Variants in CAST observed in about 807,000 individuals in gnomAD.
CAST encodes the protein calpastatin.
In CAST, 76 loss-of-function variants were observed where a neutral mutation model predicts 119.6. The observed-to-expected ratio is 0.64, with a 90% CI of 0.53 to 0.77. CAST has a LOEUF of 0.77. CAST is among the 30% of genes least tolerant of loss of function. The probability of loss-of-function intolerance (pLI) is 0.00; values close to 1 mark genes in which losing one functional copy is unlikely to be tolerated. For missense variants in CAST, 953 were observed against 946.5 expected, an observed-to-expected ratio of 1.01 and a Z score of -0.09; for synonymous variants, 319 against 331.6, an observed-to-expected ratio of 0.96 and a Z score of 0.41.
chr5:96,663,107 C>A (rs1215697946), intron 1 of CAST: 2 of 702,344 alleles, frequency 2.8e-6, no homozygotes, highest in Non-Finnish European at 5.2e-6. Flanking sequence ...GCTCCCCCGC[C>A]GTGCGGATCG....
At chr5:96,238,849 G>A in the CAST span, among the ~76,000 whole-genome samples, 1 of 152,096 alleles carries the variant, frequency 6.6e-6, no homozygotes, top group African/African-American at 2.4e-5. Context: ...AATTAATAAA[G>A]TAGAAACCAA....
chr5:96,493,370 G>GTCCCTT, the CAST span, among the ~76,000 whole-genome samples: 1 of 152,186 alleles, frequency 6.6e-6, no homozygotes, highest in Non-Finnish European at 1.5e-5. Flanking sequence ...AGAGTGAAGA[G>GTCCCTT]TCCCTTTGTC....
At chr5:95,962,924 C>T in the CAST span, among the ~76,000 whole-genome samples, 1 of 152,096 alleles carries the variant, frequency 6.6e-6, no homozygotes, top group African/African-American at 2.4e-5. Flanking sequence ...CGTGCAAAGG[C>T]CTGGCATACT....
intron 2 of CAST, among the ~76,000 whole-genome samples, chr5:96,679,000 A>AT (rs1751020932): frequency 6.6e-6 from 1 of 151,850 alleles, no homozygotes; most frequent in Non-Finnish European, 1.5e-5. Flanking sequence ...ACCTGCAGCA[A>AT]TTTTATTTTT....
At chr5:96,480,838 G>A in the CAST span, among the ~76,000 whole-genome samples, 1 of 152,186 alleles carries the variant, frequency 6.6e-6, no homozygotes, top group Non-Finnish European at 1.5e-5. Flanking sequence ...AATGGAACAG[G>A]CATAAGCCAA....
At chr5:96,554,604 C>T (rs535388390) in intron 1 of CAST, among the ~76,000 whole-genome samples, 3 of 152,302 alleles carry the variant, frequency 2.0e-5, no homozygotes, top group African/African-American at 4.8e-5. Context: ...AAACTATCAT[C>T]AGAGTGAACA....
chr5:96,407,934 A>G, the CAST span, among the ~76,000 whole-genome samples: 1 of 152,224 alleles, frequency 6.6e-6, no homozygotes, highest in Non-Finnish European at 1.5e-5. Flanking sequence ...GTCAAAGCAT[A>G]TTGATTTAGA....
At chr5:96,158,362 CT>C in the CAST span, among the ~76,000 whole-genome samples, 1 of 152,134 alleles carries the variant, frequency 6.6e-6, no homozygotes, top group Non-Finnish European at 1.5e-5. Context: ...TTGATTGCTT[CT>C]TTAGCCATCT....
chr5:96,555,681 G>C (rs368926581), intron 1 of CAST, among the ~76,000 whole-genome samples: 179 of 152,302 alleles, frequency 1.2e-3, no homozygotes, highest in Admixed American at 0.011. Flanking sequence ...CTGACGGAGG[G>C]GTGCCCGCCA....
chr5:96,083,282 A>G, the CAST span, among the ~76,000 whole-genome samples: 1 of 152,248 alleles, frequency 6.6e-6, no homozygotes, highest in Non-Finnish European at 1.5e-5. Flanking sequence ...GAGAATAAAA[A>G]TACTCTGAAG....
At chr5:96,104,209 C>G in the CAST span, among the ~76,000 whole-genome samples, 1 of 152,140 alleles carries the variant, frequency 6.6e-6, no homozygotes, top group Admixed American at 6.5e-5. Flanking sequence ...ATGGTAGTTT[C>G]TTTTGCGGTG....
the CAST span, among the ~76,000 whole-genome samples, chr5:96,439,944 C>T: frequency 2.6e-5 from 4 of 152,228 alleles, no homozygotes; most frequent in African/African-American, 9.6e-5. Context: ...ATTGTACAAT[C>T]AGTAAAACTG....
chr5:96,097,772 A>G, the CAST span, among the ~76,000 whole-genome samples: 1 of 152,194 alleles, frequency 6.6e-6, no homozygotes, highest in Non-Finnish European at 1.5e-5. Flanking sequence ...TGCTCTTGCA[A>G]ATAGTGTTGC....
intron 1 of CAST, among the ~76,000 whole-genome samples, chr5:96,581,302 T>C (rs1746766170): frequency 6.6e-6 from 1 of 152,208 alleles, no homozygotes; most frequent in Admixed American, 6.5e-5. Context: ...AAGAGATGTT[T>C]GACCTCAGTA....
chr5:96,609,475 T>C (rs1252072880), intron 1 of CAST, among the ~76,000 whole-genome samples: 1 of 152,190 alleles, frequency 6.6e-6, no homozygotes, highest in East Asian at 1.9e-4. Flanking sequence ...CAAATATTGA[T>C]CCAGTATGTC....
the CAST span, among the ~76,000 whole-genome samples, chr5:96,281,247 A>G: frequency 6.6e-6 from 1 of 152,260 alleles, no homozygotes; most frequent in African/African-American, 2.4e-5. Flanking sequence ...CTAAGCAACA[A>G]GTAAATAGGC....
At chr5:96,165,935 TA>T in the CAST span, among the ~76,000 whole-genome samples, 1 of 152,208 alleles carries the variant, frequency 6.6e-6, no homozygotes, top group Non-Finnish European at 1.5e-5. Context: ...CTTTCACATT[TA>T]ATTTACATTA....
chr5:96,765,549 G>T (rs1387299609), intron 26 of CAST, among the ~76,000 whole-genome samples: 1 of 152,086 alleles, frequency 6.6e-6, no homozygotes, highest in Non-Finnish European at 1.5e-5. Context: ...ATTCTGGGAG[G>T]TAGGTGTGGG....
chr5:96,564,205 A>G (rs940632237), intron 1 of CAST, among the ~76,000 whole-genome samples: 1 of 152,250 alleles, frequency 6.6e-6, no homozygotes, highest in African/African-American at 2.4e-5. Flanking sequence ...AAATAGGTAC[A>G]GTGAGGAATC....
Sources: gnomAD v4.1 joint callset for allele counts (sites outside exome capture counted in the v4.1 genomes callset) on GRCh38, gnomAD v4.1.1 for gene constraint, MANE v1.5 for transcripts, NCBI Gene and HGNC (gene_info 2026-07-23, HGNC 2026-07-21) for gene names.